CFTR: variants seen among roughly 807,000 people sequenced by gnomAD.
CFTR encodes the protein cystic fibrosis transmembrane conductance regulator.
CFTR carries 181 observed loss-of-function variants against 171.6 expected under a neutral mutation model. The observed-to-expected ratio is 1.05, with a 90% CI of 0.93 to 1.19. The LOEUF (loss-of-function observed/expected upper bound fraction) is 1.19, where lower values mean the gene tolerates loss of function less well. CFTR is among the 50% of genes most tolerant of loss of function. CFTR has a pLI of 0.00. For synonymous variants in CFTR, 583 were observed against 608.0 expected (o/e 0.96, Z 0.60); for missense variants, 1,968 against 1,734.7 (o/e 1.13, Z -2.39).
Position 117,536,685 on chromosome 7 carries a change from C to A in CFTR, c.869+12C>A. 1 of 1,602,636 alleles carries A rather than the reference C, an allele frequency of 6.2e-7. No individual in the cohort carries two copies. Among genetic ancestry groups the A allele is most frequent in the Non-Finnish European group, 8.5e-7 (1 of 1,172,650 alleles). On this transcript the variant is annotated intron_variant, in intron 7 of 26. Coordinates refer to ENST00000003084, the MANE Select transcript of CFTR (RefSeq NM_000492.4). Reference sequence around the variant, plus strand: ...GAAAACTTAAGACAGTAAGTTGTTCCAATAATTTCAATATTGTTAGTAATT... The same window carrying A: ...GAAAACTTAAGACAGTAAGTTGTTCAAATAATTTCAATATTGTTAGTAATT...
intron 21 of CFTR, among the ~76,000 whole-genome samples, chr7:117,624,487 C>T (rs181864029): frequency 7.7e-4 from 117 of 152,306 alleles, no homozygotes; most frequent in Non-Finnish European, 1.4e-3. Context: ...CATGTTCACT[C>T]TACTGCTCCC....
At position 117,498,314 on chromosome 7, in the gene CFTR, G is replaced by T. The variant is rs1486318196; in HGVS notation, c.54-5939G>T. Among the ~76,000 whole-genome samples, 3 of 152,112 alleles carry T rather than the reference G, an allele frequency of 2.0e-5. No homozygotes were observed. Among genetic ancestry groups the T allele is most frequent in the Admixed American group, 2.0e-4 (3 of 15,278 alleles). ...CAAATATACACAAGGCTTGTCTTTA[G>T]CGAGCATATACTCCCTAAAGTTGAT... On this transcript the variant is annotated intron_variant, in intron 1 of 26. Coordinates refer to ENST00000003084, the MANE Select transcript of CFTR (RefSeq NM_000492.4).
At chr7:117,614,242 C>T (rs1414979715) in intron 20 of CFTR, among the ~76,000 whole-genome samples, 2 of 151,992 alleles carry the variant, frequency 1.3e-5, no homozygotes, top group Non-Finnish European at 2.9e-5. Flanking sequence ...GATACAGGAT[C>T]TCTTTTCCCC....
chr7:117,606,811 A>G lies in CFTR; in HGVS notation c.2988+58A>G, dbSNP rs144966873. 3 of 974,374 alleles carry G rather than the reference A, an allele frequency of 3.1e-6. No individual in the cohort carries two copies. In the African/African-American group the frequency reaches 4.8e-5, roughly 16 times the overall value. 60.4% of individuals were successfully genotyped at this position (974,374 alleles called of 1,614,324 possible). A position where few individuals can be genotyped will look rare whatever the true frequency, so the allele number is the denominator to read the frequency against. ...GTATTATTAAAAAAACAATAACAAA[A>G]GCAAATGTGATTTTGTTTTCATTTT... On this transcript the variant is annotated intron_variant, in intron 18 of 26. Transcript: ENST00000003084.
chr7:117,566,257 A>ACACACACACG (rs1347689151), intron 11 of CFTR, among the ~76,000 whole-genome samples: 1 of 150,136 alleles, frequency 6.7e-6, no homozygotes, highest in Non-Finnish European at 1.5e-5. Flanking sequence ...AAACACACAC[A>ACACACACACG]CACACACACA....
chr7:117,621,250 C>T (rs1792575478), intron 21 of CFTR, among the ~76,000 whole-genome samples: 1 of 152,184 alleles, frequency 6.6e-6, no homozygotes, highest in Non-Finnish European at 1.5e-5. Context: ...GTGTATCAAG[C>T]AAGACTTGTG....
chr7:117,614,792 A>T, intron 21 of CFTR, 79 bp downstream of exon 21: 1 of 865,158 alleles, frequency 1.2e-6, no homozygotes. Context: ...ATGAGGAAGA[A>T]CTATATACCG....
chr7:117,664,632 C>G, intron 24 of CFTR, 56 bp from the exon 25 acceptor site: 1 of 1,501,250 alleles, frequency 6.7e-7, no homozygotes, highest in East Asian at 2.3e-5. Flanking sequence ...TTTAGAATGT[C>G]AACTGCTTGA....
At chr7:117,627,482 G>A in intron 21 of CFTR, 40 bp from the exon 22 acceptor site, 1 of 1,608,576 alleles carries the variant, frequency 6.2e-7, no homozygotes, top group Non-Finnish European at 8.5e-7. Context: ...GAAATTGTCT[G>A]CCATTCTTAA....
intron 22 of CFTR, among the ~76,000 whole-genome samples, chr7:117,629,412 C>T (rs1416575836): frequency 6.6e-6 from 1 of 152,070 alleles, no homozygotes; most frequent in South Asian, 2.1e-4. Context: ...AGCAAAGGAG[C>T]TTGGCTTTAT....
At chr7:117,640,853 A>G (rs1363540780) in intron 22 of CFTR, among the ~76,000 whole-genome samples, 1 of 152,178 alleles carries the variant, frequency 6.6e-6, no homozygotes, top group Non-Finnish European at 1.5e-5. Context: ...TCATAAATCC[A>G]TCCATTCTTC....
chr7:117,572,036 C>G (rs1488966005), intron 11 of CFTR, among the ~76,000 whole-genome samples: 1 of 152,076 alleles, frequency 6.6e-6, no homozygotes, highest in East Asian at 1.9e-4. Flanking sequence ...GAGTCCTGCT[C>G]TGTTGTCCAG....
Position 117,666,954 on chromosome 7 carries a change from T to C in CFTR, c.4289T>C (p.Leu1430Pro). The C allele has an allele frequency of 6.2e-7, 1 of 1,614,044 alleles. No individual in the cohort carries two copies. The highest frequency in any genetic ancestry group is 1.1e-5 in the South Asian group (1 of 91,080). Reference protein sequence around the residue: ...KVRQYDSIQKLLNERSLFRQA... With the variant: ...KVRQYDSIQKPLNERSLFRQA... ...CGGCAGTACGATTCCATCCAGAAACTGCTGAACGAGAGGAGCCTCTTCCGG... is the reference window on the plus strand; with the variant it reads ...CGGCAGTACGATTCCATCCAGAAACCGCTGAACGAGAGGAGCCTCTTCCGG... The change falls in exon 27 of 27, where the codon CTG becomes CCG. Residue 1430 changes from leucine to proline, a missense_variant. By Grantham distance (98) the Leu-to-Pro change is moderately conservative. Coordinates refer to ENST00000003084, the MANE Select transcript of CFTR (RefSeq NM_000492.4).
chr7:117,566,028 A>G (rs1791596216), intron 11 of CFTR, among the ~76,000 whole-genome samples: 1 of 152,190 alleles, frequency 6.6e-6, no homozygotes, highest in Non-Finnish European at 1.5e-5. Context: ...TGAATGGTCA[A>G]TCCACCACTG....
intron 25 of CFTR, among the ~76,000 whole-genome samples, 157 bp downstream of exon 25, chr7:117,665,017 C>T (rs1707006276): frequency 6.6e-6 from 1 of 152,234 alleles, no homozygotes; most frequent in Admixed American, 6.5e-5. Flanking sequence ...AGCATAAATG[C>T]ATATTTCCTT....
chr7:117,624,286 A>C (rs1792620207), intron 21 of CFTR, among the ~76,000 whole-genome samples: 1 of 152,120 alleles, frequency 6.6e-6, no homozygotes, highest in Non-Finnish European at 1.5e-5. Context: ...GTCCGTGCTC[A>C]CTGTCTCTGA....
At chr7:117,487,938 T>G (rs569675542) in intron 1 of CFTR, 1 of 152,286 alleles carries the variant, frequency 6.6e-6, no homozygotes, top group Non-Finnish European at 1.5e-5. Flanking sequence ...TGGCTGGGAT[T>G]AGCAACCACA....
chr7:117,630,605 C>A (rs1279822779), intron 22 of CFTR, among the ~76,000 whole-genome samples: 2 of 152,098 alleles, frequency 1.3e-5, no homozygotes, highest in Non-Finnish European at 2.9e-5. Flanking sequence ...TCCCAGGCCA[C>A]CACAAAGGAA....
At position 117,574,971 on chromosome 7, in the gene CFTR, C is replaced by T. The variant is rs1366913; in HGVS notation, c.1585-12768C>T. Among the ~76,000 whole-genome samples, 1,296 of 152,048 alleles carry T rather than the reference C, an allele frequency of 8.5e-3. 13 individuals are homozygous for T. Among genetic ancestry groups the T allele is most frequent in the Non-Finnish European group, 0.012 (804 of 67,936 alleles). On this transcript the variant is annotated intron_variant, in intron 11 of 26. Coordinates refer to ENST00000003084, the MANE Select transcript of CFTR (RefSeq NM_000492.4). ...TTTCATTGTTGTTTTGTACCCATAA[C>T]GTGTCACATTTTATTTATACCTTCT...
Sources: gnomAD v4.1 joint callset for allele counts (sites outside exome capture counted in the v4.1 genomes callset) on GRCh38, gnomAD v4.1.1 for gene constraint, MANE v1.5 for transcripts, NCBI Gene and HGNC (gene_info 2026-07-23, HGNC 2026-07-21) for gene names.